ALOX5: variants seen among roughly 807,000 people sequenced by gnomAD.
ALOX5 encodes polyunsaturated fatty acid 5-lipoxygenase.
A neutral mutation model predicts 87.9 loss-of-function variants in ALOX5; 64 were observed. The observed-to-expected ratio is 0.73, with a 90% CI of 0.60 to 0.90. The LOEUF (loss-of-function observed/expected upper bound fraction) is 0.90, where lower values mean the gene tolerates loss of function less well. ALOX5 is among the 40% of genes least tolerant of loss of function. The pLI, the probability that ALOX5 is intolerant of heterozygous loss-of-function variation, is 0.00. For synonymous variants in ALOX5, 388 were observed against 355.1 expected (o/e 1.09, Z -1.04); for missense variants, 822 against 907.5 (o/e 0.91, Z 1.21).
intron 7 of ALOX5, among the ~76,000 whole-genome samples, chr10:45,435,578 G>A (rs1842039123): frequency 6.6e-6 from 1 of 152,184 alleles, no homozygotes; most frequent in Non-Finnish European, 1.5e-5. Context: ...CCAATCCTAA[G>A]CTGCATCCAT....
chr10:45,398,107 A>G (rs1840574768), intron 3 of ALOX5, among the ~76,000 whole-genome samples: 1 of 152,242 alleles, frequency 6.6e-6, no homozygotes, highest in Non-Finnish European at 1.5e-5. Context: ...CTACACAGCT[A>G]TAGTATTCAA....
chr10:45,392,019 G>A (rs530460492), intron 2 of ALOX5, among the ~76,000 whole-genome samples: 12 of 151,256 alleles, frequency 7.9e-5, no homozygotes, highest in East Asian at 7.9e-4. Flanking sequence ...CCGGCCAGCC[G>A]CCCCGTCCGG....
chr10:45,394,736 A>G (rs559312859), intron 2 of ALOX5, among the ~76,000 whole-genome samples: 16 of 152,306 alleles, frequency 1.1e-4, no homozygotes, highest in Admixed American at 4.6e-4. Context: ...CAGAATCTAC[A>G]AACAACTCAA....
At chr10:45,413,419 A>G (rs1161930475) in intron 4 of ALOX5, among the ~76,000 whole-genome samples, 1 of 152,218 alleles carries the variant, frequency 6.6e-6, no homozygotes, top group Non-Finnish European at 1.5e-5. Context: ...CTCTCAATAA[A>G]TTAGGTATTG....
intron 7 of ALOX5, among the ~76,000 whole-genome samples, chr10:45,440,163 G>T (rs1186933851): frequency 1.3e-5 from 2 of 152,172 alleles, no homozygotes; most frequent in Admixed American, 6.5e-5. Context: ...ACTGTGAGCC[G>T]AGCGATCACT....
At chr10:45,439,354 C>T (rs1238414725) in intron 7 of ALOX5, among the ~76,000 whole-genome samples, 1 of 152,216 alleles carries the variant, frequency 6.6e-6, no homozygotes, top group Non-Finnish European at 1.5e-5. Flanking sequence ...CCAGCCATGA[C>T]CACTGTGCTG....
chr10:45,442,639 C>T (rs1345905779), intron 9 of ALOX5: 1 of 183,794 alleles, frequency 5.4e-6, no homozygotes, highest in African/African-American at 2.4e-5. Context: ...TTGCATGGGT[C>T]CTGGAAACTG....
At chr10:45,419,719 G>A (rs1014036056) in intron 4 of ALOX5, among the ~76,000 whole-genome samples, 4 of 124,242 alleles carry the variant, frequency 3.2e-5, no homozygotes, top group Non-Finnish European at 6.9e-5. Context: ...CGCCTGGGCG[G>A]CAGAGTGAGA....
chr10:45,390,031 G>A (rs1339028893), intron 2 of ALOX5, among the ~76,000 whole-genome samples: 6 of 152,004 alleles, frequency 3.9e-5, no homozygotes, highest in Non-Finnish European at 7.4e-5. Flanking sequence ...CAAAGGCAGG[G>A]GTTGCAATCC....
chr10:45,402,451 A>G (rs948886354), intron 3 of ALOX5, among the ~76,000 whole-genome samples: 9 of 152,198 alleles, frequency 5.9e-5, no homozygotes, highest in Non-Finnish European at 1.0e-4. Flanking sequence ...GCCACTGGAC[A>G]TGCATCTCGA....
chr10:45,421,928 C>T (rs3780901), intron 4 of ALOX5, among the ~76,000 whole-genome samples: 100,928 of 152,120 alleles, frequency 0.66, 33,948 homozygotes, highest in East Asian at 0.79. Flanking sequence ...CTTGTTCATC[C>T]TGACACATGA....
At chr10:45,443,867 C>G (rs1399425342) in intron 12 of ALOX5, 39 bp downstream of exon 12, 2 of 1,556,532 alleles carry the variant, frequency 1.3e-6, no homozygotes, top group Non-Finnish European at 1.7e-6. Flanking sequence ...GCTCCCTTCT[C>G]AAGGCCGCTG....
At chr10:45,424,009 G>A (rs1280909050) in intron 4 of ALOX5, 32 bp from the exon 5 acceptor site, 1 of 1,552,642 alleles carries the variant, frequency 6.4e-7, no homozygotes, top group East Asian at 2.2e-5. Flanking sequence ...CATGGCTAGT[G>A]TGCGCAAGGT....
At chr10:45,414,426 CA>C (rs1293633431) in intron 4 of ALOX5, among the ~76,000 whole-genome samples, 1 of 152,114 alleles carries the variant, frequency 6.6e-6, no homozygotes, top group Admixed American at 6.5e-5. Flanking sequence ...ACACCTTATA[CA>C]AAAATTAATT....
intron 2 of ALOX5, among the ~76,000 whole-genome samples, chr10:45,386,261 A>G (rs1840004372): frequency 6.6e-6 from 1 of 151,442 alleles, no homozygotes; most frequent in Non-Finnish European, 1.5e-5. Context: ...AGATCATGCC[A>G]CTGTACCCCA....
intron 4 of ALOX5, among the ~76,000 whole-genome samples, chr10:45,415,352 G>A (rs1198621008): frequency 3.9e-5 from 6 of 152,118 alleles, no homozygotes; most frequent in Middle Eastern, 3.4e-3. Context: ...ACCAAACACC[G>A]CATGTTCTCA....
rs1252573987 is a variant in ALOX5 at position 45,374,449 on chromosome 10, G to A, written c.150+20G>A. 8 of 1,525,302 alleles carry A rather than the reference G, an allele frequency of 5.2e-6. No homozygotes were observed. The highest frequency in any genetic ancestry group is 1.7e-4 in the Middle Eastern group (1 of 5,806). 94.5% of individuals were successfully genotyped at this position (1,525,302 alleles called of 1,614,324 possible). Reference sequence around the variant, plus strand: ...GGCGCGGTGAGCGCGGGCGGGGCACGGGTGGAGCGCGGGCTGAGGTGCGTC... The same window carrying A: ...GGCGCGGTGAGCGCGGGCGGGGCACAGGTGGAGCGCGGGCTGAGGTGCGTC... On this transcript the variant is annotated intron_variant, in intron 1 of 13. Transcript: ENST00000374391.
intron 1 of ALOX5, among the ~76,000 whole-genome samples, chr10:45,378,276 G>T (rs1839701157): frequency 6.6e-6 from 1 of 152,200 alleles, no homozygotes; most frequent in Admixed American, 6.5e-5. Context: ...GGGCCTTCTA[G>T]CTTCCGGTTC....
chr10:45,418,945 G>A (rs1323765386), intron 4 of ALOX5, among the ~76,000 whole-genome samples: 1 of 152,230 alleles, frequency 6.6e-6, no homozygotes, highest in African/African-American at 2.4e-5. Context: ...CCTGGAAGAG[G>A]TGGGGGCGAG....
Sources: gnomAD v4.1 joint callset for allele counts (sites outside exome capture counted in the v4.1 genomes callset) on GRCh38, gnomAD v4.1.1 for gene constraint, MANE v1.5 for transcripts, NCBI Gene and HGNC (gene_info 2026-07-23, HGNC 2026-07-21) for gene names.